Variants in DCHS2 observed in about 807,000 individuals in gnomAD.
DCHS2 encodes protocadherin-23.
DCHS2 carries 142 observed loss-of-function variants against 182.4 expected under a neutral mutation model. That is an observed-to-expected ratio of 0.78 (90% confidence interval 0.68 to 0.89). The LOEUF is 0.89. DCHS2 is among the 40% of genes least tolerant of loss of function. The probability of loss-of-function intolerance (pLI) is 0.00; values close to 1 mark genes in which losing one functional copy is unlikely to be tolerated. For missense variants in DCHS2, 4,319 were observed against 4,198.6 expected (o/e 1.03, Z -0.79); for synonymous variants, 1,740 against 1,663.3 (o/e 1.05, Z -1.12).
intron 10 of DCHS2, among the ~76,000 whole-genome samples, chr4:154,305,664 CCTCAAGAAGCGAGCA>C (rs754360950): frequency 8.5e-5 from 13 of 152,310 alleles, no homozygotes; most frequent in Non-Finnish European, 1.8e-4. Flanking sequence ...TTATTCTCAA[CCTCAAGAAGCGAGCA>C]CCTAGAATTG....
At chr4:154,435,050 T>C (rs1357887289) in intron 1 of DCHS2, among the ~76,000 whole-genome samples, 1 of 152,100 alleles carries the variant, frequency 6.6e-6, no homozygotes, top group Non-Finnish European at 1.5e-5. Flanking sequence ...TGGAGTTCAA[T>C]CCATAGTAAT....
rs556522439 is a variant in DCHS2, at chr4:154,340,404, G to A, written c.2477-5300C>T. Among the ~76,000 whole-genome samples the A allele has an allele frequency of 2.6e-4, 40 of 152,246 alleles. 1 individual carries two copies. The South Asian group carries it at 8.1e-3, about 31-fold the overall frequency. On this transcript the variant is annotated intron_variant, in intron 3 of 19. Coordinates refer to ENST00000357232, the MANE Select transcript of DCHS2 (RefSeq NM_001358235.2). ...CTAAAGTGTGTCCTAGTAACATACA[G>A]CAAATGTGAAGTCTAATAAAATTAA... is the stretch of plus-strand genomic sequence containing the variant.
At chr4:154,372,953 T>C (rs995557788) in intron 2 of DCHS2, among the ~76,000 whole-genome samples, 5 of 152,194 alleles carry the variant, frequency 3.3e-5, no homozygotes, top group Non-Finnish European at 5.9e-5. Context: ...AATCTCTTAG[T>C]AACCACCAGC....
At chr4:154,367,143 G>A (rs1199248523) in intron 2 of DCHS2, among the ~76,000 whole-genome samples, 1 of 152,210 alleles carries the variant, frequency 6.6e-6, no homozygotes, top group Non-Finnish European at 1.5e-5. Context: ...GCTGAGCTCA[G>A]AGAGGCAGGA....
intron 3 of DCHS2, among the ~76,000 whole-genome samples, chr4:154,344,266 A>G (rs778002586): frequency 1.2e-4 from 19 of 152,244 alleles, no homozygotes; most frequent in Non-Finnish European, 2.4e-4. Flanking sequence ...ACATAGAGAC[A>G]CAAAGTGTCC....
rs1299883364 is a variant in DCHS2, at chr4:154,490,049, A to C, written c.1307T>G (p.Val436Gly). The change falls in exon 1 of 20, where the codon GTG (valine) becomes GGG (glycine). Residue 436 changes from valine to glycine, a missense_variant. By Grantham distance (109) the Val-to-Gly change is moderately radical. Transcript: ENST00000357232. ...VSEGARPGDY[V>G]ARVSVSDADG... ...CGCGTCAGACACCGAGACGCGAGCC[A>C]CGTAGTCGCCCGGTCGGGCGCCTTC... is the stretch of plus-strand genomic sequence containing the variant. The C allele has an allele frequency of 1.3e-6, 2 of 1,548,428 alleles. No homozygotes were observed. The highest frequency in any genetic ancestry group is 1.7e-6 in the Non-Finnish European group (2 of 1,146,876).
intron 7 of DCHS2, chr4:154,323,429 A>G (rs1736158652): frequency 2.7e-6 from 4 of 1,487,700 alleles, no homozygotes; most frequent in Middle Eastern, 2.4e-4. Flanking sequence ...TCAGGGTCGC[A>G]AGCTATCCTC....
intron 1 of DCHS2, among the ~76,000 whole-genome samples, chr4:154,466,833 C>T (rs1291137194): frequency 6.6e-6 from 1 of 152,182 alleles, no homozygotes; most frequent in East Asian, 1.9e-4. Context: ...TGTATTTATA[C>T]TTCTTATACA....
rs920262194 is a variant in DCHS2 at position 154,233,008 on chromosome 4, C to T, written c.*1528G>A. 5 of 152,132 alleles carry T rather than the reference C, an allele frequency of 3.3e-5. No individual in the cohort carries two copies. The highest frequency in any genetic ancestry group is 6.6e-5 in the Admixed American group (1 of 15,264). The allele number at this position is 152,132 out of a possible 1,614,324, so 9.4% of individuals were successfully genotyped here. A position where few individuals can be genotyped will look rare whatever the true frequency, so the allele number is the denominator to read the frequency against. ...CTACAAAACCAGACATCAAACACTG[C>T]ACCTTGCAATATTTTTTAGTAAAGA... On this transcript the variant is annotated 3_prime_UTR_variant, in exon 20 of 20. Transcript: ENST00000357232.
At chr4:154,293,722 A>G (rs114436996) in intron 13 of DCHS2, among the ~76,000 whole-genome samples, 2,705 of 152,296 alleles carry the variant, frequency 0.018, 76 homozygotes, top group African/African-American at 0.061. Context: ...CACAGCTTCC[A>G]AAGTGAGCTT....
chr4:154,377,160 C>T lies in DCHS2; in HGVS notation c.2244+93G>A, dbSNP rs540654441. On this transcript the variant is annotated intron_variant, in intron 2 of 19. Transcript: ENST00000357232. The stretch of plus-strand genomic sequence containing the variant: ...GGTAGTGACACATGAAACAGAATGA[C>T]CCAATTGTTGATCATCATTGGTCCT... 2.2e-5 allele frequency: 28 copies of T among 1,247,214 alleles called. No individual in the cohort carries two copies. In the East Asian group the frequency reaches 6.8e-4, roughly 30 times the overall value. The allele number at this position is 1,247,214 out of a possible 1,614,324, so 77.3% of individuals were successfully genotyped here.
intron 1 of DCHS2, among the ~76,000 whole-genome samples, chr4:154,403,679 G>A (rs979215418): frequency 2.0e-5 from 3 of 151,992 alleles, no homozygotes; most frequent in East Asian, 1.9e-4. Context: ...GAAACATTCC[G>A]TCGCCCTATA....
chr4:154,474,794 G>A (rs1311108443), intron 1 of DCHS2, among the ~76,000 whole-genome samples: 2 of 152,166 alleles, frequency 1.3e-5, no homozygotes, highest in African/African-American at 4.8e-5. Context: ...CATGCAGGGT[G>A]TTGTGAAAAT....
At chr4:154,256,033 A>G (rs1732648431) in intron 15 of DCHS2, among the ~76,000 whole-genome samples, 1 of 152,222 alleles carries the variant, frequency 6.6e-6, no homozygotes, top group Non-Finnish European at 1.5e-5. Context: ...AAAAAATGTT[A>G]TGGGAAATCT....
chr4:154,290,276 A>G (rs1734593553), intron 13 of DCHS2, among the ~76,000 whole-genome samples: 1 of 152,006 alleles, frequency 6.6e-6, no homozygotes, highest in Non-Finnish European at 1.5e-5. Context: ...TAAAAGATTG[A>G]TGAAAAAAAT....
intron 5 of DCHS2, among the ~76,000 whole-genome samples, chr4:154,330,835 C>A (rs1432741366): frequency 6.6e-6 from 1 of 151,412 alleles, no homozygotes; most frequent in East Asian, 1.9e-4. Context: ...ATAGATCATA[C>A]ACACAATTGC....
intron 1 of DCHS2, among the ~76,000 whole-genome samples, chr4:154,402,831 A>C (rs1288265230): frequency 6.6e-6 from 1 of 152,202 alleles, no homozygotes; most frequent in African/African-American, 2.4e-5. Context: ...ATACCTCTCC[A>C]TTTATTTAGA....
Position 154,423,235 on chromosome 4 carries a change from C to T in DCHS2, c.2053-45791G>A, listed in dbSNP as rs1733183366. Among the ~76,000 whole-genome samples the T allele has an allele frequency of 2.0e-5, 3 of 152,212 alleles. No homozygotes were observed. In the South Asian group the frequency reaches 6.2e-4, roughly 32 times the overall value. On this transcript the variant is annotated intron_variant, in intron 1 of 19. Transcript: ENST00000357232. Reference sequence around the variant, plus strand: ...GTCCACTGGCCTAGCCCAATGCTAACATTTGACCAATTTCTGCCTCTATAG... The same window carrying T: ...GTCCACTGGCCTAGCCCAATGCTAATATTTGACCAATTTCTGCCTCTATAG...
intron 3 of DCHS2, among the ~76,000 whole-genome samples, chr4:154,344,717 C>T (rs562001314): frequency 1.1e-4 from 16 of 152,304 alleles, no homozygotes; most frequent in South Asian, 2.1e-4. Context: ...CATGGTGTGT[C>T]TTGGAGCCCT....
Sources: gnomAD v4.1 joint callset for allele counts (sites outside exome capture counted in the v4.1 genomes callset) on GRCh38, gnomAD v4.1.1 for gene constraint, MANE v1.5 for transcripts, NCBI Gene and HGNC (gene_info 2026-07-23, HGNC 2026-07-21) for gene names.